The following ABI3BP variants were observed in gnomAD, a reference collection of about 807,000 sequenced individuals.
The protein encoded by ABI3BP is target of Nesh-SH3.
Under a neutral mutation model 268.6 loss-of-function variants are expected in ABI3BP, and 216 were observed. The observed-to-expected ratio is 0.80, with a 90% CI of 0.72 to 0.90. The LOEUF is 0.90. Ranked by LOEUF, ABI3BP falls within the 40% of genes least tolerant of loss-of-function variation. The probability of loss-of-function intolerance (pLI) is 0.00; values close to 1 mark genes in which losing one functional copy is unlikely to be tolerated. For missense variants in ABI3BP, 2,090 were observed against 2,182.4 expected, an observed-to-expected ratio of 0.96 and a Z score of 0.84; for synonymous variants, 730 against 730.0, an observed-to-expected ratio of 1.00 and a Z score of 0.00.
At chr3:100,817,598 C>A (rs1307520101) in intron 41 of ABI3BP, 103 bp from the exon 42 acceptor site, 12 of 840,066 alleles carry the variant, frequency 1.4e-5, no homozygotes, top group Non-Finnish European at 1.9e-5. Flanking sequence ...TTGTTTTTTG[C>A]AGATTTGGCC....
At position 100,840,128 on chromosome 3, in the gene ABI3BP, C is replaced by CGGGGGGGGGGGG; in HGVS notation, c.1840_1841insCCCCCCCCCCCC (p.Pro613_Arg614insProProProPro). 4 of 1,150,376 alleles carry CGGGGGGGGGGGG rather than the reference C, an allele frequency of 3.5e-6. No individual in the cohort carries two copies. Among genetic ancestry groups the CGGGGGGGGGGGG allele is most frequent in the South Asian group, 1.8e-5 (1 of 56,322 alleles). The allele number at this position is 1,150,376 out of a possible 1,614,324, so 71.3% of individuals were successfully genotyped here. A position where few individuals can be genotyped will look rare whatever the true frequency, so the allele number is the denominator to read the frequency against. ...TGTGGTTTTAGGGCGGGGACGGGGGCGGGGGCGACGACCTGGTCTTTTGGT... is the reference window on the plus strand; with the variant it reads ...TGTGGTTTTAGGGCGGGGACGGGGGCGGGGGGGGGGGGGGGGGCGACGACCTGGTCTTTTGGT... On this transcript the variant is annotated inframe_insertion, in exon 23 of 68. Coordinates refer to ENST00000471714, the MANE Select transcript of ABI3BP (RefSeq NM_001375547.2).
chr3:100,778,289 C>T lies in ABI3BP; in HGVS notation c.4328G>A (p.Ser1443Asn), dbSNP rs773617363. ...AAGGTACATGACTAACGTACCTGCA[C>T]TTCCTGGCTTTCCAGTGACATTATT... Reference protein sequence around the residue: ...PPNNVTGKPGSAGIISSGPIT... With the variant: ...PPNNVTGKPGNAGIISSGPIT... The change falls in exon 59 of 68, where the codon AGT becomes AAT. Residue 1443 changes from serine (S) to asparagine (N), a missense_variant. Transcript: ENST00000471714. 6.2e-7 allele frequency: 1 copy of T among 1,613,646 alleles called. No individual in the cohort carries two copies.
intron 59 of ABI3BP, among the ~76,000 whole-genome samples, chr3:100,775,984 CAGA>C (rs1013079060): frequency 1.3e-4 from 20 of 152,106 alleles, no homozygotes; most frequent in African/African-American, 4.1e-4. Flanking sequence ...AAGATGGCTA[CAGA>C]AGAAGGAAAA....
chr3:100,896,216 G>T (rs543912648), intron 4 of ABI3BP, among the ~76,000 whole-genome samples: 1 of 152,252 alleles, frequency 6.6e-6, no homozygotes, highest in South Asian at 2.1e-4. Context: ...GCCAGGGTGC[G>T]TGTGCAAGGG....
chr3:100,941,415 A>G (rs1328803131), intron 1 of ABI3BP, among the ~76,000 whole-genome samples: 4 of 152,084 alleles, frequency 2.6e-5, no homozygotes. Context: ...TTATTAGGAC[A>G]TTTTCATCAC....
chr3:100,959,489 C>CAAA (rs35465693), intron 1 of ABI3BP, among the ~76,000 whole-genome samples: 45 of 35,988 alleles, frequency 1.3e-3, no homozygotes, highest in Admixed American at 1.9e-3. Flanking sequence ...GACTCCGTCT[C>CAAA]AAAAAAAAAA....
chr3:100,825,915 A>G (rs1246803084), intron 34 of ABI3BP, 71 bp from the exon 35 acceptor site: 1 of 1,128,320 alleles, frequency 8.9e-7, no homozygotes, highest in East Asian at 2.6e-5. Context: ...ATCAAAACGT[A>G]TCTTGCTTGT....
chr3:100,895,086 A>G (rs2047048446), intron 4 of ABI3BP, among the ~76,000 whole-genome samples: 1 of 151,980 alleles, frequency 6.6e-6, no homozygotes, highest in Non-Finnish European at 1.5e-5. Flanking sequence ...GAAATCTTTA[A>G]CAAGTTGGAA....
At chr3:100,875,710 C>T in intron 7 of ABI3BP, 131 bp from the exon 8 acceptor site, 2 of 666,718 alleles carry the variant, frequency 3.0e-6, no homozygotes, top group Non-Finnish European at 5.3e-6. Context: ...AACTCAGTGG[C>T]CTGGCTATAT....
Position 100,964,392 on chromosome 3 carries a change from G to T in ABI3BP, c.79+28914C>A, listed in dbSNP as rs1051586509. 2.0e-5 allele frequency among the ~76,000 whole-genome samples: 3 copies of T among 152,242 alleles called. No homozygotes were observed. The South Asian group carries it at 6.2e-4, about 32-fold the overall frequency. Reference sequence around the variant, plus strand: ...AATCAGACACCACTTCCTCAAATTGGACTATAAATTCCGGGGCATCCGCCG... The same window carrying T: ...AATCAGACACCACTTCCTCAAATTGTACTATAAATTCCGGGGCATCCGCCG... On this transcript the variant is annotated intron_variant, in intron 1 of 67. Transcript: ENST00000471714.
Position 100,772,924 on chromosome 3 carries a change from C to G in ABI3BP, c.4531+1681G>C, listed in dbSNP as rs139670430. 3.4e-3 allele frequency among the ~76,000 whole-genome samples: 516 copies of G among 151,552 alleles called. 5 individuals are homozygous for G. Among genetic ancestry groups the G allele is most frequent in the Non-Finnish European group, 5.0e-3 (337 of 67,792 alleles). ...TGAAACCACATCTCTACTAAAAATA[C>G]AAAAACTATGGGGATGGTGACGGGC... is the stretch of plus-strand genomic sequence containing the variant. On this transcript the variant is annotated intron_variant, in intron 61 of 67. Transcript: ENST00000471714.
intron 59 of ABI3BP, among the ~76,000 whole-genome samples, chr3:100,776,106 C>T (rs1161119764): frequency 6.6e-6 from 1 of 152,200 alleles, no homozygotes; most frequent in Non-Finnish European, 1.5e-5. Flanking sequence ...TTATAAGTCC[C>T]TAAAACTGGA....
rs573753291 is a variant in ABI3BP at position 100,848,501 on chromosome 3, T to C, written c.1576+300A>G. ...TTTTTTTTTTCCCTGAGATAGAGTCTTGCTCTGTTGCCCAGGCTTGAGTGC... is the reference window on the plus strand; with the variant it reads ...TTTTTTTTTTCCCTGAGATAGAGTCCTGCTCTGTTGCCCAGGCTTGAGTGC... On this transcript the variant is annotated intron_variant, in intron 18 of 67. Coordinates refer to ENST00000471714, the MANE Select transcript of ABI3BP (RefSeq NM_001375547.2). Among the ~76,000 whole-genome samples, 4 of 152,084 alleles carry C rather than the reference T, an allele frequency of 2.6e-5. No individual in the cohort carries two copies. In the East Asian group the frequency reaches 5.8e-4, roughly 22 times the overall value.
intron 3 of ABI3BP, among the ~76,000 whole-genome samples, chr3:100,899,977 T>C (rs1349666887): frequency 6.6e-6 from 1 of 152,200 alleles, no homozygotes; most frequent in Non-Finnish European, 1.5e-5. Flanking sequence ...TTGAAAATTG[T>C]GTCAAGCTTG....
intron 57 of ABI3BP, among the ~76,000 whole-genome samples, chr3:100,785,441 A>G (rs2007228): frequency 0.13 from 20,495 of 152,142 alleles, 1,802 homozygotes; most frequent in South Asian, 0.27. Context: ...ATTTTTAAAC[A>G]TTTTTTCCTC....
intron 6 of ABI3BP, among the ~76,000 whole-genome samples, chr3:100,884,686 C>T (rs2041049419): frequency 6.6e-6 from 1 of 152,108 alleles, no homozygotes; most frequent in South Asian, 2.1e-4. Context: ...AAATTCCACC[C>T]ACAATAGTCT....
chr3:100,798,774 T>C (rs2097432874), intron 51 of ABI3BP, among the ~76,000 whole-genome samples: 1 of 152,226 alleles, frequency 6.6e-6, no homozygotes, highest in African/African-American at 2.4e-5. Flanking sequence ...AATTAGAATA[T>C]GAAGTCTGCA....
chr3:100,991,566 G>A (rs1250960453), intron 1 of ABI3BP, among the ~76,000 whole-genome samples: 1 of 152,114 alleles, frequency 6.6e-6, no homozygotes. Context: ...GACAAACAGT[G>A]CACCTATGCC....
chr3:100,973,767 T>C (rs138090476), intron 1 of ABI3BP, among the ~76,000 whole-genome samples: 7 of 152,280 alleles, frequency 4.6e-5, no homozygotes, highest in Admixed American at 4.6e-4. Context: ...ATTTAAGTTA[T>C]AGAATTTTAA....
Sources: gnomAD v4.1 joint callset for allele counts (sites outside exome capture counted in the v4.1 genomes callset) on GRCh38, gnomAD v4.1.1 for gene constraint, MANE v1.5 for transcripts, NCBI Gene and HGNC (gene_info 2026-07-23, HGNC 2026-07-21) for gene names.